Variants in GRID1 observed in about 807,000 individuals in gnomAD.
GRID1 encodes the protein glutamate receptor ionotropic, delta-1.
GRID1 carries 28 observed loss-of-function variants against 98.0 expected under a neutral mutation model. The observed-to-expected ratio is 0.29, with a 90% CI of 0.21 to 0.39. The LOEUF (loss-of-function observed/expected upper bound fraction) is 0.39. Among genes scored for constraint, GRID1 ranks in the 10% least tolerant of loss-of-function variants. The pLI is 1.00. For synonymous variants in GRID1, 553 were observed against 538.5 expected (o/e 1.03, Z -0.37); for missense variants, 1,111 against 1,340.5 (o/e 0.83, Z 2.67).
intron 4 of GRID1, among the ~76,000 whole-genome samples, chr10:86,097,671 A>T (rs1421143660): frequency 6.6e-6 from 1 of 152,214 alleles, no homozygotes; most frequent in Non-Finnish European, 1.5e-5. Flanking sequence ...AATGCATACT[A>T]TAACACAATC....
intron 12 of GRID1, among the ~76,000 whole-genome samples, chr10:85,652,464 TC>T (rs370257890): frequency 1.2e-4 from 18 of 152,296 alleles, no homozygotes; most frequent in African/African-American, 4.1e-4. Context: ...GATCTGGAAG[TC>T]CTATTATTCT....
At chr10:85,938,717 G>A (rs780240121) in intron 4 of GRID1, among the ~76,000 whole-genome samples, 1 of 152,052 alleles carries the variant, frequency 6.6e-6, no homozygotes, top group Non-Finnish European at 1.5e-5. Context: ...GTCCTCTATG[G>A]GTCATCACCA....
intron 12 of GRID1, among the ~76,000 whole-genome samples, chr10:85,668,582 T>C (rs1321583853): frequency 6.6e-6 from 1 of 152,104 alleles, no homozygotes; most frequent in Non-Finnish European, 1.5e-5. Context: ...AGTTTAGAAA[T>C]CTTCTTATAA....
At chr10:85,977,327 CA>C (rs1269256848) in intron 4 of GRID1, among the ~76,000 whole-genome samples, 4 of 152,058 alleles carry the variant, frequency 2.6e-5, no homozygotes, top group Admixed American at 6.6e-5. Context: ...GCAGGTAATA[CA>C]GTGGTGAGAA....
At chr10:85,921,341 G>A (rs938204986) in intron 4 of GRID1, among the ~76,000 whole-genome samples, 4 of 152,218 alleles carry the variant, frequency 2.6e-5, no homozygotes, top group Non-Finnish European at 2.9e-5. Context: ...TTCTTCCCAC[G>A]TCTGGGGAGC....
chr10:85,723,159 A>C lies in GRID1; in HGVS notation c.1859-18T>G. Reference sequence around the variant, plus strand: ...TTCGCCACCTGCGGGAGGCAGACAAAGTGGATTGGCCAGTGGCTTCTGCTC... The same window carrying C: ...TTCGCCACCTGCGGGAGGCAGACAACGTGGATTGGCCAGTGGCTTCTGCTC... On this transcript the variant is annotated intron_variant, in intron 11 of 15. Coordinates refer to ENST00000327946, the MANE Select transcript of GRID1 (RefSeq NM_017551.3). 1 of 1,595,798 alleles carries C rather than the reference A, an allele frequency of 6.3e-7. No individual in the cohort carries two copies. Among genetic ancestry groups the C allele is most frequent in the Non-Finnish European group, 8.5e-7 (1 of 1,170,304 alleles).
At chr10:85,877,757 C>T (rs1589284466) in intron 5 of GRID1, among the ~76,000 whole-genome samples, 1 of 152,196 alleles carries the variant, frequency 6.6e-6, no homozygotes, top group South Asian at 2.1e-4. Context: ...AGCAACGGAA[C>T]AAAGCTGAAC....
chr10:85,651,493 C>T (rs964380869), intron 12 of GRID1, among the ~76,000 whole-genome samples: 1 of 152,200 alleles, frequency 6.6e-6, no homozygotes, highest in Non-Finnish European at 1.5e-5. Flanking sequence ...AAATGCTCCC[C>T]CATCAGCCCC....
chr10:85,798,565 G>T (rs1230926386), intron 8 of GRID1, among the ~76,000 whole-genome samples: 1 of 152,090 alleles, frequency 6.6e-6, no homozygotes, highest in Non-Finnish European at 1.5e-5. Flanking sequence ...ATTCTAACTG[G>T]AGTGAGGTGA....
At chr10:86,178,618 C>T (rs1227832886) in intron 3 of GRID1, among the ~76,000 whole-genome samples, 2 of 150,182 alleles carry the variant, frequency 1.3e-5, no homozygotes, top group Non-Finnish European at 3.0e-5. Flanking sequence ...GCATCCACCC[C>T]GGGGCGTTCT....
At chr10:85,813,907 A>C (rs527310484) in intron 8 of GRID1, among the ~76,000 whole-genome samples, 3 of 151,892 alleles carry the variant, frequency 2.0e-5, no homozygotes, top group African/African-American at 7.2e-5. Context: ...TAAAGTTTAC[A>C]TAAAGTGATA....
At chr10:86,054,824 T>A (rs1843550860) in intron 4 of GRID1, among the ~76,000 whole-genome samples, 1 of 152,192 alleles carries the variant, frequency 6.6e-6, no homozygotes. Context: ...CCATGTGACT[T>A]TGCAGCTTCT....
intron 8 of GRID1, among the ~76,000 whole-genome samples, chr10:85,740,003 T>A (rs1316346603): frequency 1.3e-5 from 2 of 152,200 alleles, no homozygotes; most frequent in Non-Finnish European, 2.9e-5. Context: ...GAGGAAGCAT[T>A]GTTTTTATAA....
At chr10:86,245,956 T>G (rs905422575) in intron 2 of GRID1, among the ~76,000 whole-genome samples, 1 of 151,932 alleles carries the variant, frequency 6.6e-6, no homozygotes, top group Non-Finnish European at 1.5e-5. Context: ...ATGTCAAGAG[T>G]GTGCACGCAT....
intron 3 of GRID1, among the ~76,000 whole-genome samples, chr10:86,171,454 G>A (rs1190518468): frequency 6.6e-6 from 1 of 152,170 alleles, no homozygotes; most frequent in African/African-American, 2.4e-5. Context: ...AGATAAACTA[G>A]GACATCATGA....
In GRID1 at chr10:85,744,519, T is replaced by C. The variant is rs569332698; in HGVS notation, c.1234-14905A>G. ...GTGCTGGGAAAACTGGCTAGCCATATGTAGAAAGCTGAAACTGGATCCCTT... is the reference window on the plus strand; with the variant it reads ...GTGCTGGGAAAACTGGCTAGCCATACGTAGAAAGCTGAAACTGGATCCCTT... On this transcript the variant is annotated intron_variant, in intron 8 of 15. Coordinates refer to ENST00000327946, the MANE Select transcript of GRID1 (RefSeq NM_017551.3). 2.8e-5 allele frequency among the ~76,000 whole-genome samples: 4 copies of C among 144,880 alleles called. 1 individual carries two copies. The highest frequency in any genetic ancestry group is 6.0e-5 in the Non-Finnish European group (4 of 66,760).
chr10:86,000,059 T>A (rs995324072), intron 4 of GRID1, among the ~76,000 whole-genome samples: 1 of 152,170 alleles, frequency 6.6e-6, no homozygotes, highest in East Asian at 1.9e-4. Flanking sequence ...CCAACAATAA[T>A]GTCTATATAG....
intron 4 of GRID1, among the ~76,000 whole-genome samples, chr10:85,977,115 T>C (rs1019133518): frequency 3.3e-5 from 5 of 152,216 alleles, no homozygotes; most frequent in African/African-American, 1.2e-4. Context: ...ATGCATTTGA[T>C]TTGGAGTTCA....
At chr10:86,115,684 G>A (rs1354950176) in intron 4 of GRID1, among the ~76,000 whole-genome samples, 1 of 152,222 alleles carries the variant, frequency 6.6e-6, no homozygotes, top group African/African-American at 2.4e-5. Context: ...GCTAACCCGT[G>A]AGGTGATCTA....
Sources: gnomAD v4.1 joint callset for allele counts (sites outside exome capture counted in the v4.1 genomes callset) on GRCh38, gnomAD v4.1.1 for gene constraint, MANE v1.5 for transcripts, NCBI Gene and HGNC (gene_info 2026-07-23, HGNC 2026-07-21) for gene names.